DLG2: variants seen among roughly 807,000 people sequenced by gnomAD.
DLG2 encodes the protein discs large MAGUK scaffold protein 2.
Under a neutral mutation model 132.5 loss-of-function variants are expected in DLG2, and 45 were observed. The observed-to-expected ratio is 0.34, with a 90% confidence interval of 0.27 to 0.44. The LOEUF is 0.44. DLG2 is among the 20% of genes least tolerant of loss of function. The pLI is 1.00. For synonymous variants in DLG2, 424 were observed against 419.6 expected (o/e 1.01, Z -0.13); for missense variants, 1,045 against 1,196.9 (o/e 0.87, Z 1.87).
At chr11:84,383,533 GA>G (rs2098756390) in intron 7 of DLG2, among the ~76,000 whole-genome samples, 1 of 152,106 alleles carries the variant, frequency 6.6e-6, no homozygotes, top group African/African-American at 2.4e-5. Flanking sequence ...CTTCTTAGAA[GA>G]TTGGAGAGAG....
chr11:85,250,157 T>A (rs2076328594), intron 4 of DLG2, among the ~76,000 whole-genome samples: 1 of 152,180 alleles, frequency 6.6e-6, no homozygotes. Flanking sequence ...TGGTTCAGCA[T>A]ACGTTTGACG....
At chr11:83,621,230 G>C (rs2061592330) in intron 19 of DLG2, among the ~76,000 whole-genome samples, 1 of 151,772 alleles carries the variant, frequency 6.6e-6, no homozygotes, top group African/African-American at 2.4e-5. Context: ...CTTACTTGGT[G>C]CAATTTAGTT....
At chr11:84,940,014 G>A (rs1591582319) in intron 6 of DLG2, among the ~76,000 whole-genome samples, 1 of 152,168 alleles carries the variant, frequency 6.6e-6, no homozygotes. Flanking sequence ...TTTCTCCATA[G>A]TGGCTGTACT....
At chr11:84,043,616 A>G (rs2096158507) in intron 11 of DLG2, among the ~76,000 whole-genome samples, 1 of 151,716 alleles carries the variant, frequency 6.6e-6, no homozygotes, top group Admixed American at 6.6e-5. Context: ...GACTAAATCA[A>G]TACTCCTTGG....
chr11:85,305,044 G>A (rs2079849377), intron 3 of DLG2, among the ~76,000 whole-genome samples: 1 of 152,170 alleles, frequency 6.6e-6, no homozygotes, highest in Non-Finnish European at 1.5e-5. Context: ...AATATTTGTT[G>A]AATGATTGAA....
At chr11:84,771,930 G>C (rs1334768645) in intron 6 of DLG2, among the ~76,000 whole-genome samples, 1 of 151,964 alleles carries the variant, frequency 6.6e-6, no homozygotes, top group East Asian at 1.9e-4. Context: ...AAATAACATT[G>C]AAGCTAAGAG....
At chr11:83,951,661 G>A (rs371400014) in intron 14 of DLG2, among the ~76,000 whole-genome samples, 1 of 152,186 alleles carries the variant, frequency 6.6e-6, no homozygotes, top group East Asian at 1.9e-4. Flanking sequence ...TAACAAGGAA[G>A]TCTGAGTATC....
At chr11:85,354,248 C>T (rs895897582) in intron 3 of DLG2, among the ~76,000 whole-genome samples, 9 of 152,010 alleles carry the variant, frequency 5.9e-5, no homozygotes, top group African/African-American at 2.2e-4. Flanking sequence ...AATTTCAAGA[C>T]ATAACGTAAA....
chr11:83,922,749 A>G (rs1039437685), intron 15 of DLG2, among the ~76,000 whole-genome samples: 1 of 152,148 alleles, frequency 6.6e-6, no homozygotes, highest in African/African-American at 2.4e-5. Flanking sequence ...ATGAGCTTGG[A>G]TGTGAGAATG....
chr11:85,623,312 T>C (rs1158760087), intron 2 of DLG2, among the ~76,000 whole-genome samples: 1 of 137,282 alleles, frequency 7.3e-6, no homozygotes, highest in Non-Finnish European at 1.6e-5. Context: ...ATAGGACAAT[T>C]TTTTTTTTTT....
At chr11:83,486,278 T>A (rs1565428133) in intron 21 of DLG2, 1 of 688,326 alleles carries the variant, frequency 1.5e-6, no homozygotes, top group Admixed American at 2.1e-5. Flanking sequence ...AAAAATCATG[T>A]AAGAATTAAT....
At chr11:84,434,687 T>C (rs560601873) in intron 7 of DLG2, among the ~76,000 whole-genome samples, 1 of 152,268 alleles carries the variant, frequency 6.6e-6, no homozygotes, top group African/African-American at 2.4e-5. Context: ...TTTGTGATGC[T>C]ACTGAGTTCT....
At chr11:85,380,601 G>C (rs538587353) in intron 3 of DLG2, among the ~76,000 whole-genome samples, 1 of 152,048 alleles carries the variant, frequency 6.6e-6, no homozygotes, top group Non-Finnish European at 1.5e-5. Context: ...CGGAGGTTGC[G>C]GTGAGTCAAG....
intron 6 of DLG2, among the ~76,000 whole-genome samples, chr11:84,662,197 T>C (rs2099695097): frequency 6.6e-6 from 1 of 150,642 alleles, no homozygotes; most frequent in Non-Finnish European, 1.5e-5. Context: ...ATCTTTTTTT[T>C]TTTTTTTTTT....
chr11:85,072,937 C>A (rs1398357150), intron 6 of DLG2, among the ~76,000 whole-genome samples: 1 of 151,720 alleles, frequency 6.6e-6, no homozygotes, highest in African/African-American at 2.4e-5. Flanking sequence ...GGCTACAAAA[C>A]AACAACCTAA....
intron 19 of DLG2, among the ~76,000 whole-genome samples, chr11:83,574,717 C>A (rs1450955674): frequency 2.6e-5 from 4 of 152,196 alleles, no homozygotes; most frequent in African/African-American, 7.2e-5. Context: ...AACCTCCCAT[C>A]AGAACTGTTG....
intron 3 of DLG2, among the ~76,000 whole-genome samples, chr11:85,353,935 T>C (rs1388801664): frequency 6.6e-6 from 1 of 151,932 alleles, no homozygotes; most frequent in Middle Eastern, 3.4e-3. Context: ...CATGTATACA[T>C]GTGTAACAAA....
chr11:84,526,803 G>A (rs1389210917), intron 7 of DLG2, among the ~76,000 whole-genome samples: 1 of 143,676 alleles, frequency 7.0e-6, no homozygotes, highest in East Asian at 2.0e-4. Flanking sequence ...TTTTGAGACG[G>A]AGTCTTGCTC....
At chr11:85,126,603 A>AT (rs2075141074) in intron 5 of DLG2, among the ~76,000 whole-genome samples, 4 of 151,648 alleles carry the variant, frequency 2.6e-5, no homozygotes, top group South Asian at 4.2e-4. Context: ...CACTCAATAC[A>AT]TTTTTTTTCT....
Sources: gnomAD v4.1 joint callset for allele counts (sites outside exome capture counted in the v4.1 genomes callset) on GRCh38, gnomAD v4.1.1 for gene constraint, MANE v1.5 for transcripts, NCBI Gene and HGNC (gene_info 2026-07-23, HGNC 2026-07-21) for gene names.